SEPTIN11: variants seen among roughly 807,000 people sequenced by gnomAD.
The protein encoded by SEPTIN11 is septin 11.
In SEPTIN11, 25 loss-of-function variants were observed where a neutral mutation model predicts 51.4. The observed-to-expected ratio is 0.49, with a 90% CI of 0.35 to 0.68. SEPTIN11 has a LOEUF of 0.68. SEPTIN11 is among the 30% of genes least tolerant of loss of function. The pLI is 0.00. For synonymous variants in SEPTIN11, 174 were observed against 184.1 expected (o/e 0.95, Z 0.44); for missense variants, 381 against 520.8 (o/e 0.73, Z 2.61).
Position 77,036,696 on chromosome 4 carries a change from T to C in SEPTIN11, c.*2184T>C. On this transcript the variant is annotated 3_prime_UTR_variant, in exon 10 of 10. Coordinates refer to ENST00000264893, the MANE Select transcript of SEPTIN11 (RefSeq NM_018243.4). ...TTGCTTCTGAACTTTTTTCTGCCAC[T>C]GCTCCCTAGCCCTGTTTAGTTTGTT... 2 of 1,529,882 alleles carry C rather than the reference T, an allele frequency of 1.3e-6. No individual in the cohort carries two copies. The highest frequency in any genetic ancestry group is 2.4e-5 in the South Asian group (2 of 82,150). The allele number at this position is 1,529,882 out of a possible 1,614,324, so 94.8% of individuals were successfully genotyped here. A position where few individuals can be genotyped will look rare whatever the true frequency, so the allele number is the denominator to read the frequency against.
chr4:76,968,115 C>T (rs1015034439), intron 1 of SEPTIN11, among the ~76,000 whole-genome samples: 2 of 152,082 alleles, frequency 1.3e-5, no homozygotes, highest in Non-Finnish European at 2.9e-5. Context: ...TGGTTGAGTT[C>T]CAATGACAGT....
intron 1 of SEPTIN11, among the ~76,000 whole-genome samples, chr4:76,968,484 A>G (rs559203040): frequency 4.6e-5 from 7 of 152,312 alleles, no homozygotes; most frequent in African/African-American, 1.4e-4. Flanking sequence ...ATTAGTGACA[A>G]TTAGAGTCTC....
chr4:77,020,544 T>C lies in SEPTIN11; in HGVS notation c.827T>C (p.Met276Thr), dbSNP rs752190171. 8.1e-6 allele frequency: 13 copies of C among 1,614,008 alleles called. 1 individual carries two copies. In the South Asian group the frequency reaches 8.8e-5, roughly 11 times the overall value. The change falls in exon 7 of 10, where the codon ATG becomes ACG. Residue 276 changes from methionine to threonine, a missense_variant. Transcript: ENST00000264893. ...TGCGATTTTGTGAAACTTCGAGAGATGCTGATCCGCGTGAACATGGAGGAC... is the reference window on the plus strand; with the variant it reads ...TGCGATTTTGTGAAACTTCGAGAGACGCTGATCCGCGTGAACATGGAGGAC... ...NHCDFVKLREMLIRVNMEDLR... is the reference protein window; with the variant it reads ...NHCDFVKLRETLIRVNMEDLR...
intron 6 of SEPTIN11, 46 bp downstream of exon 6, chr4:77,019,307 T>C: frequency 1.4e-6 from 2 of 1,476,390 alleles, no homozygotes; most frequent in Non-Finnish European, 1.8e-6. Context: ...TTAGCCCCTA[T>C]GTGAATGGCC....
intron 1 of SEPTIN11, among the ~76,000 whole-genome samples, chr4:76,956,935 C>A (rs1211535967): frequency 6.8e-6 from 1 of 147,768 alleles, no homozygotes; most frequent in African/African-American, 2.5e-5. Flanking sequence ...TTGGCCTGCT[C>A]TGATTCTAGC....
intron 1 of SEPTIN11, 79 bp downstream of exon 1, chr4:76,950,009 G>A (rs748501751): frequency 1.5e-5 from 20 of 1,306,626 alleles, no homozygotes; most frequent in Non-Finnish European, 1.8e-5. Flanking sequence ...GAGGACCACA[G>A]GGGAGCCGGG....
At chr4:76,972,794 T>C (rs998328698) in intron 1 of SEPTIN11, among the ~76,000 whole-genome samples, 14 of 152,216 alleles carry the variant, frequency 9.2e-5, no homozygotes, top group African/African-American at 3.4e-4. Flanking sequence ...AAAACAATAA[T>C]AAGTAATAAT....
chr4:77,001,282 A>G (rs1390590959), intron 2 of SEPTIN11, among the ~76,000 whole-genome samples: 1 of 152,156 alleles, frequency 6.6e-6, no homozygotes, highest in East Asian at 1.9e-4. Context: ...ACAAACTCTG[A>G]AAAAAATCTA....
intron 1 of SEPTIN11, among the ~76,000 whole-genome samples, chr4:76,973,605 A>G (rs969748064): frequency 1.3e-5 from 2 of 152,252 alleles, no homozygotes; most frequent in South Asian, 2.1e-4. Flanking sequence ...TACTTTTTGT[A>G]TGACACAAAT....
rs553926010 is a variant in SEPTIN11, at chr4:77,012,007, T to G, written c.525+86T>G. On this transcript the variant is annotated intron_variant, in intron 4 of 9. Transcript: ENST00000264893. ...CCTAATTTGTTCTCTGCTTTCAGTG[T>G]GATTTTTTTTTTCCTGGATTACAGG... 54 of 1,238,440 alleles carry G rather than the reference T, an allele frequency of 4.4e-5. No individual in the cohort carries two copies. In the South Asian group the frequency reaches 5.0e-4, roughly 11 times the overall value. 76.7% of individuals were successfully genotyped at this position (1,238,440 alleles called of 1,614,324 possible). A position where few individuals can be genotyped will look rare whatever the true frequency, so the allele number is the denominator to read the frequency against.
At chr4:76,967,272 C>G (rs566649489) in intron 1 of SEPTIN11, among the ~76,000 whole-genome samples, 3 of 152,256 alleles carry the variant, frequency 2.0e-5, no homozygotes, top group Admixed American at 6.5e-5. Context: ...CTAACTTTCT[C>G]TTTAGTTAAT....
intron 1 of SEPTIN11, among the ~76,000 whole-genome samples, chr4:76,982,142 C>CT (rs1348913479): frequency 1.3e-5 from 2 of 152,166 alleles, no homozygotes; most frequent in Non-Finnish European, 2.9e-5. Flanking sequence ...CCTTTTCCTG[C>CT]TGCCTTCCTT....
intron 1 of SEPTIN11, among the ~76,000 whole-genome samples, chr4:76,994,388 C>T (rs947917868): frequency 1.3e-5 from 2 of 152,186 alleles, no homozygotes; most frequent in Admixed American, 6.5e-5. Flanking sequence ...AGGATTGGGG[C>T]TGGAAGAAGT....
chr4:77,038,840 G>A (rs957466890), downstream of SEPTIN11, among the ~76,000 whole-genome samples: 5 of 151,964 alleles, frequency 3.3e-5, no homozygotes, highest in Non-Finnish European at 5.9e-5. Flanking sequence ...CCCCATGCCT[G>A]TCCCTGTCCA....
chr4:77,036,270 T>C lies in SEPTIN11; in HGVS notation c.*1758T>C. On this transcript the variant is annotated 3_prime_UTR_variant, in exon 10 of 10. Transcript: ENST00000264893. ...GAGCTACTGGACCAACATTCTTGTT[T>C]TTGCTTTTGTTTTTTTAAATAATTC... 2.0e-6 allele frequency: 2 copies of C among 1,011,686 alleles called. No individual in the cohort carries two copies. Among genetic ancestry groups the C allele is most frequent in the South Asian group, 4.0e-5 (1 of 25,234 alleles). The allele number at this position is 1,011,686 out of a possible 1,614,324, so 62.7% of individuals were successfully genotyped here.
chr4:77,006,211 G>C (rs1186222881), intron 3 of SEPTIN11, among the ~76,000 whole-genome samples: 2 of 152,024 alleles, frequency 1.3e-5, no homozygotes, highest in Non-Finnish European at 2.9e-5. Context: ...CTAGAGGGGA[G>C]GTCTCTAGAA....
At chr4:77,025,706 G>A (rs1726078896) in intron 7 of SEPTIN11, among the ~76,000 whole-genome samples, 1 of 152,150 alleles carries the variant, frequency 6.6e-6, no homozygotes, top group African/African-American at 2.4e-5. Context: ...TTCTGTGGAT[G>A]CTATGGTTCT....
chr4:76,950,749 G>A (rs1334564013), intron 1 of SEPTIN11, among the ~76,000 whole-genome samples: 1 of 152,172 alleles, frequency 6.6e-6, no homozygotes, highest in Non-Finnish European at 1.5e-5. Flanking sequence ...TCCGCGCCCC[G>A]GGGCCGGGCC....
At chr4:77,014,813 C>G in intron 4 of SEPTIN11, 43 bp from the exon 5 acceptor site, 1 of 1,589,658 alleles carries the variant, frequency 6.3e-7, no homozygotes, top group South Asian at 1.1e-5. Flanking sequence ...GTCTATTTTT[C>G]TTATGTTGGA....
Sources: allele counts gnomAD v4.1 joint callset (sites outside exome capture counted in the v4.1 genomes callset), GRCh38; gene constraint gnomAD v4.1.1; transcripts MANE v1.5; gene names NCBI Gene and HGNC (gene_info 2026-07-23, HGNC 2026-07-21).